IGF1R: variants seen among roughly 807,000 people sequenced by gnomAD.
IGF1R encodes the protein insulin like growth factor 1 receptor, also known as insulin-like growth factor 1 receptor.
IGF1R carries 44 observed loss-of-function variants against 144.6 expected under a neutral mutation model. The observed-to-expected ratio is 0.30, with a 90% CI of 0.24 to 0.39. The LOEUF (loss-of-function observed/expected upper bound fraction) is 0.39. IGF1R is among the 10% of genes least tolerant of loss of function. The pLI is 1.00. For missense variants in IGF1R, 1,355 were observed against 1,833.7 expected (o/e 0.74, Z 4.77); for synonymous variants, 795 against 722.8 (o/e 1.10, Z -1.60).
chr15:98,814,953 A>G (rs749950475), intron 2 of IGF1R, among the ~76,000 whole-genome samples: 2 of 152,234 alleles, frequency 1.3e-5, no homozygotes, highest in African/African-American at 4.8e-5. Context: ...TTTTAAACAC[A>G]AAAGGATATT....
chr15:98,850,320 G>T (rs1449182022), intron 2 of IGF1R, among the ~76,000 whole-genome samples: 1 of 152,230 alleles, frequency 6.6e-6, no homozygotes, highest in African/African-American at 2.4e-5. Flanking sequence ...ACACAGAGGA[G>T]GCCTTCAGGC....
At chr15:98,868,030 G>A (rs745514257) in intron 2 of IGF1R, among the ~76,000 whole-genome samples, 1 of 152,040 alleles carries the variant, frequency 6.6e-6, no homozygotes. Flanking sequence ...ACGAAACCCC[G>A]TCTCTGCTAA....
chr15:98,688,446 G>GTT (rs2053391259), intron 1 of IGF1R, among the ~76,000 whole-genome samples: 2 of 145,848 alleles, frequency 1.4e-5, no homozygotes, highest in African/African-American at 5.4e-5. Context: ...GTGTGTGTGT[G>GTT]TGTGTGATGG....
At chr15:98,840,677 GTT>G (rs58919638) in intron 2 of IGF1R, among the ~76,000 whole-genome samples, 94 of 131,222 alleles carry the variant, frequency 7.2e-4, no homozygotes, top group East Asian at 3.3e-3. Context: ...TTTTTGTTTT[GTT>G]TTTTTTTTTT....
chr15:98,682,848 G>T (rs1436079995), intron 1 of IGF1R, among the ~76,000 whole-genome samples: 1 of 151,980 alleles, frequency 6.6e-6, no homozygotes. Flanking sequence ...ACCTGGCCTG[G>T]GTTGCTTTTT....
intron 2 of IGF1R, among the ~76,000 whole-genome samples, chr15:98,755,883 G>A (rs1482673209): frequency 6.6e-6 from 1 of 152,068 alleles, no homozygotes; most frequent in Non-Finnish European, 1.5e-5. Flanking sequence ...TTTATCGGAA[G>A]AGGCTGATGA....
Position 98,962,934 on chromosome 15 carries a change from C to T in IGF1R, c.*5492C>T, listed in dbSNP as rs1013751825. ...GCGTTTTGTTTCTGCGAGAACATAA[C>T]GATCACTCATTTTTATGTCCCACGT... On this transcript the variant is annotated 3_prime_UTR_variant, in exon 21 of 21. Coordinates refer to ENST00000650285, the MANE Select transcript of IGF1R (RefSeq NM_000875.5). 2 of 233,558 alleles carry T rather than the reference C, an allele frequency of 8.6e-6. No individual in the cohort carries two copies. Among genetic ancestry groups the T allele is most frequent in the East Asian group, 6.0e-5 (1 of 16,602 alleles). The allele number at this position is 233,558 out of a possible 1,614,324, so 14.5% of individuals were successfully genotyped here.
chr15:98,713,310 G>A (rs992455278), intron 2 of IGF1R, among the ~76,000 whole-genome samples: 8 of 152,144 alleles, frequency 5.3e-5, no homozygotes, highest in Admixed American at 2.0e-4. Flanking sequence ...TTTATTGTTC[G>A]GAAGATACAT....
intron 2 of IGF1R, among the ~76,000 whole-genome samples, chr15:98,869,990 G>A (rs1055171236): frequency 6.6e-6 from 1 of 152,174 alleles, no homozygotes; most frequent in African/African-American, 2.4e-5. Context: ...TACTGAGCAT[G>A]GCCCTGGGAA....
chr15:98,924,014 T>A lies in IGF1R; in HGVS notation c.2622+2T>A. The stretch of plus-strand genomic sequence containing the variant: ...ATAAAATACGGATCACAAGTTGAGG[T>A]AGGACTGGGGCAGTGGCCCGTGCCT... On this transcript the variant is annotated splice_donor_variant, in intron 12 of 20. Coordinates refer to ENST00000650285, the MANE Select transcript of IGF1R (RefSeq NM_000875.5). LOFTEE classifies it high-confidence loss of function. The A allele has an allele frequency of 6.2e-7, 1 of 1,613,984 alleles. No individual in the cohort carries two copies. Among genetic ancestry groups the A allele is most frequent in the Non-Finnish European group, 8.5e-7 (1 of 1,179,806 alleles).
At chr15:98,759,831 G>C (rs2055248529) in intron 2 of IGF1R, among the ~76,000 whole-genome samples, 1 of 152,122 alleles carries the variant, frequency 6.6e-6, no homozygotes, top group African/African-American at 2.4e-5. Flanking sequence ...GGCCATCTGA[G>C]GTTCAGCCAC....
intron 5 of IGF1R, among the ~76,000 whole-genome samples, chr15:98,902,469 G>C (rs2014532283): frequency 6.9e-6 from 1 of 145,370 alleles, no homozygotes; most frequent in South Asian, 2.2e-4. Context: ...CCAGGCTGGA[G>C]TGTAGTGGCG....
intron 20 of IGF1R, among the ~76,000 whole-genome samples, chr15:98,952,562 T>C (rs1421077235): frequency 6.6e-6 from 1 of 152,234 alleles, no homozygotes; most frequent in Non-Finnish European, 1.5e-5. Flanking sequence ...GTGTGAGTTC[T>C]GCTTCTGTGG....
intron 19 of IGF1R, among the ~76,000 whole-genome samples, chr15:98,946,810 G>A (rs2684791): frequency 0.27 from 40,660 of 152,120 alleles, 5,743 homozygotes; most frequent in Non-Finnish European, 0.32. Context: ...CCTGCAAGCC[G>A]CTGACACAGC....
intron 2 of IGF1R, among the ~76,000 whole-genome samples, chr15:98,828,980 C>G (rs1415570619): frequency 6.6e-6 from 1 of 152,088 alleles, no homozygotes; most frequent in Non-Finnish European, 1.5e-5. Context: ...CCGAAGCACT[C>G]AGTTACAACT....
At chr15:98,890,394 C>G (rs1272727943) in intron 2 of IGF1R, 1 of 152,182 alleles carries the variant, frequency 6.6e-6, no homozygotes, top group Non-Finnish European at 1.5e-5. Flanking sequence ...CACTGCTGCA[C>G]TCCCACCAGC....
Position 98,962,808 on chromosome 15 carries a change from T to TAACA in IGF1R, c.*5367_*5370dup, listed in dbSNP as rs772520749. 21 of 233,654 alleles carry TAACA rather than the reference T, an allele frequency of 9.0e-5. No homozygotes were observed. The highest frequency in any genetic ancestry group is 5.1e-4 in the Admixed American group (9 of 17,800). The allele number at this position is 233,654 out of a possible 1,614,324, so 14.5% of individuals were successfully genotyped here. A position where few individuals can be genotyped will look rare whatever the true frequency, so the allele number is the denominator to read the frequency against. On this transcript the variant is annotated 3_prime_UTR_variant, in exon 21 of 21. Coordinates refer to ENST00000650285, the MANE Select transcript of IGF1R (RefSeq NM_000875.5). ...GGCATTTGGTTTCAACAAAGAAACC[T>TAACA]AACATCCTACTCTGGAAACTGATCT... is the stretch of plus-strand genomic sequence containing the variant.
At chr15:98,812,715 CT>C (rs1256284098) in intron 2 of IGF1R, among the ~76,000 whole-genome samples, 1 of 152,146 alleles carries the variant, frequency 6.6e-6, no homozygotes, top group Non-Finnish European at 1.5e-5. Context: ...CAAACGTGAC[CT>C]TTTTATGTTG....
At chr15:98,792,056 CT>C (rs1455043490) in intron 2 of IGF1R, among the ~76,000 whole-genome samples, 1 of 152,154 alleles carries the variant, frequency 6.6e-6, no homozygotes, top group Non-Finnish European at 1.5e-5. Context: ...AGAGAAAAAT[CT>C]TTTTTCCTTC....
Sources: gnomAD v4.1 joint callset for allele counts (sites outside exome capture counted in the v4.1 genomes callset) on GRCh38, gnomAD v4.1.1 for gene constraint, MANE v1.5 for transcripts, NCBI Gene and HGNC (gene_info 2026-07-23, HGNC 2026-07-21) for gene names.